TENM4: variants seen among roughly 807,000 people sequenced by gnomAD.
TENM4 encodes the protein teneurin transmembrane protein 4.
A neutral mutation model predicts 243.3 loss-of-function variants in TENM4; 82 were observed. The observed-to-expected ratio is 0.34, with a 90% CI of 0.28 to 0.40. The LOEUF is 0.40. Ranked by LOEUF, TENM4 falls within the 10% of genes least tolerant of loss-of-function variation. TENM4 has a pLI of 1.00. For missense variants in TENM4, 3,138 were observed against 3,673.3 expected (o/e 0.85, Z 3.77); for synonymous variants, 1,412 against 1,456.3 (o/e 0.97, Z 0.69).
chr11:79,232,363 G>A (rs971919809), intron 2 of TENM4, among the ~76,000 whole-genome samples: 1 of 152,204 alleles, frequency 6.6e-6, no homozygotes, highest in Admixed American at 6.5e-5. Context: ...GTCTTCAGGC[G>A]CAGAAACCCT....
chr11:78,861,976 G>A (rs544086039), intron 10 of TENM4, among the ~76,000 whole-genome samples: 1 of 152,288 alleles, frequency 6.6e-6, no homozygotes, highest in South Asian at 2.1e-4. Flanking sequence ...TTGTGAGTCT[G>A]TGCCACTCTT....
chr11:79,144,345 A>G (rs1862352008), intron 4 of TENM4, among the ~76,000 whole-genome samples: 1 of 152,032 alleles, frequency 6.6e-6, no homozygotes, highest in Non-Finnish European at 1.5e-5. Flanking sequence ...GAAAATTAGT[A>G]CAACCGCTAT....
intron 4 of TENM4, among the ~76,000 whole-genome samples, chr11:79,104,429 C>G (rs951366935): frequency 6.6e-6 from 1 of 152,196 alleles, no homozygotes; most frequent in Non-Finnish European, 1.5e-5. Flanking sequence ...CATACGATCA[C>G]GTTTTTAACA....
intron 4 of TENM4, among the ~76,000 whole-genome samples, chr11:79,085,261 C>T (rs1384861297): frequency 6.6e-6 from 1 of 151,520 alleles, no homozygotes; most frequent in Non-Finnish European, 1.5e-5. Flanking sequence ...CCTGTAGTTC[C>T]AGCTACTCAG....
chr11:79,294,107 A>G (rs1291626054), intron 2 of TENM4, among the ~76,000 whole-genome samples: 1 of 152,216 alleles, frequency 6.6e-6, no homozygotes, highest in Non-Finnish European at 1.5e-5. Context: ...TGCATGGCTA[A>G]TGAAATAATC....
In TENM4 at chr11:78,823,421, A is replaced by G. The variant is rs74988760; in HGVS notation, c.1682-9026T>C. Among the ~76,000 whole-genome samples the G allele has an allele frequency of 2.2e-3, 336 of 152,360 alleles. 8 individuals carry two copies. The East Asian group carries it at 0.05, about 23-fold the overall frequency. On this transcript the variant is annotated intron_variant, in intron 12 of 33. Coordinates refer to ENST00000278550, the MANE Select transcript of TENM4 (RefSeq NM_001098816.3). ...CCCACTGGGCAGAGGTTCCGGGCCA[A>G]TAAGAGCCCGTTCTCTAGTATTTGA...
At chr11:79,409,104 GCGCGCGCGCGTGCGTGCA>G (rs1287139723) in intron 1 of TENM4, among the ~76,000 whole-genome samples, 115 of 49,424 alleles carry the variant, frequency 2.3e-3, no homozygotes, top group Middle Eastern at 0.018. Flanking sequence ...GTGTGTGTGC[GCGCGCGCGCGTGCGTGCA>G]CGCGCACGCA....
intron 6 of TENM4, among the ~76,000 whole-genome samples, chr11:78,969,782 C>T (rs1040321306): frequency 3.9e-5 from 6 of 152,148 alleles, no homozygotes; most frequent in African/African-American, 1.4e-4. Context: ...ATCGGAAGAG[C>T]TTCCTAATAA....
chr11:78,963,617 G>A (rs540326540), intron 6 of TENM4, among the ~76,000 whole-genome samples: 1 of 152,114 alleles, frequency 6.6e-6, no homozygotes, highest in African/African-American at 2.4e-5. Context: ...GTGGCACAGA[G>A]AGCGGCTGAT....
chr11:78,943,356 C>T (rs915011636), intron 6 of TENM4, among the ~76,000 whole-genome samples: 1 of 152,134 alleles, frequency 6.6e-6, no homozygotes, highest in South Asian at 2.1e-4. Context: ...AAAAAGGACG[C>T]CTTGGTGTGG....
intron 15 of TENM4, among the ~76,000 whole-genome samples, chr11:78,788,987 T>C (rs143617849): frequency 2.2e-4 from 34 of 152,288 alleles, no homozygotes; most frequent in African/African-American, 7.7e-4. Flanking sequence ...CTGTGGGTTA[T>C]TCACTTGTTT....
chr11:79,003,979 G>C (rs929483352), intron 6 of TENM4, among the ~76,000 whole-genome samples: 1 of 143,480 alleles, frequency 7.0e-6, no homozygotes, highest in African/African-American at 2.7e-5. Context: ...CACAGGGGTT[G>C]CTATTCTAAT....
intron 1 of TENM4, among the ~76,000 whole-genome samples, chr11:79,375,225 C>T (rs913325607): frequency 1.3e-4 from 20 of 152,076 alleles, no homozygotes; most frequent in Admixed American, 5.9e-4. Flanking sequence ...TGAGGAAGGA[C>T]CAAGATAGCA....
chr11:78,980,031 T>C (rs1857756946), intron 6 of TENM4, among the ~76,000 whole-genome samples: 2 of 152,318 alleles, frequency 1.3e-5, no homozygotes, highest in South Asian at 2.1e-4. Flanking sequence ...ATTTAGTAGA[T>C]GAGAGAAGAT....
chr11:79,184,083 A>T (rs1863339038), intron 3 of TENM4, among the ~76,000 whole-genome samples: 1 of 152,342 alleles, frequency 6.6e-6, no homozygotes, highest in African/African-American at 2.4e-5. Flanking sequence ...TATTGACAAC[A>T]GTCAAAAGAG....
chr11:79,333,765 C>T (rs1857101696), intron 1 of TENM4, among the ~76,000 whole-genome samples: 1 of 152,216 alleles, frequency 6.6e-6, no homozygotes, highest in South Asian at 2.1e-4. Context: ...CAACATCTTA[C>T]ATTTTGTATT....
intron 1 of TENM4, among the ~76,000 whole-genome samples, chr11:79,395,132 G>C (rs1590935016): frequency 6.6e-6 from 1 of 152,298 alleles, no homozygotes; most frequent in South Asian, 2.1e-4. Flanking sequence ...CAGGGAGAAG[G>C]TGCCCAAACA....
rs1372166115 is a variant in TENM4 at position 78,978,134 on chromosome 11, ATAAGTGGGGGTTGAACAATGAG to A, written c.494-74633_494-74612del. Among the ~76,000 whole-genome samples the A allele has an allele frequency of 2.3e-3, 344 of 152,220 alleles. 4 individuals carry two copies. Among genetic ancestry groups the A allele is most frequent in the African/African-American group, 7.5e-3 (312 of 41,542 alleles). The stretch of plus-strand genomic sequence containing the variant: ...AAACCAAACACCCATATTCTCACTC[ATAAGTGGGGGTTGAACAATGAG>A]AACACATGGACACAGGGAGGGGAAA... On this transcript the variant is annotated intron_variant, in intron 6 of 33. Coordinates refer to ENST00000278550, the MANE Select transcript of TENM4 (RefSeq NM_001098816.3).
intron 3 of TENM4, among the ~76,000 whole-genome samples, chr11:79,181,134 A>G (rs1474168461): frequency 6.6e-6 from 1 of 152,160 alleles, no homozygotes; most frequent in East Asian, 1.9e-4. Flanking sequence ...CAAAGACATT[A>G]CAAGAAAAGA....
Sources: allele counts gnomAD v4.1 joint callset (sites outside exome capture counted in the v4.1 genomes callset), GRCh38; gene constraint gnomAD v4.1.1; transcripts MANE v1.5; gene names NCBI Gene and HGNC (gene_info 2026-07-23, HGNC 2026-07-21).